The following PTDSS2 variants were observed in gnomAD, a reference collection of about 807,000 sequenced individuals.
PTDSS2 encodes PSS-2.
In PTDSS2, 41 loss-of-function variants were observed where a neutral mutation model predicts 64.7. That is an observed-to-expected ratio of 0.63 (90% CI 0.49 to 0.82). The LOEUF is 0.82. Ranked by LOEUF, PTDSS2 falls within the 40% of genes least tolerant of loss-of-function variation. PTDSS2 has a pLI of 0.00. For synonymous variants in PTDSS2, 297 were observed against 277.8 expected, an observed-to-expected ratio of 1.07 and a Z score of -0.69; for missense variants, 485 against 650.0, an observed-to-expected ratio of 0.75 and a Z score of 2.76.
intron 2 of PTDSS2, among the ~76,000 whole-genome samples, chr11:464,692 G>T (rs1302165987): frequency 6.6e-6 from 1 of 152,234 alleles, no homozygotes; most frequent in Non-Finnish European, 1.5e-5. Flanking sequence ...ACCGTTCACT[G>T]ATCTGCCTGT....
chr11:478,217 G>T (rs568323363), intron 3 of PTDSS2, among the ~76,000 whole-genome samples: 90 of 150,416 alleles, frequency 6.0e-4, no homozygotes, highest in Non-Finnish European at 1.2e-3. Flanking sequence ...TAACATACTG[G>T]AATTGAAAGA....
chr11:467,687 C>T (rs1051909721), intron 2 of PTDSS2, among the ~76,000 whole-genome samples: 7 of 152,092 alleles, frequency 4.6e-5, no homozygotes, highest in Admixed American at 1.3e-4. Flanking sequence ...GAGCCGAGAT[C>T]GCAACATTGC....
At position 485,787 on chromosome 11, in the gene PTDSS2, TGCGC is replaced by T. The variant is rs1439889760; in HGVS notation, c.436-1149_436-1146del. 7.0e-3 allele frequency among the ~76,000 whole-genome samples: 836 copies of T among 119,708 alleles called. 58 individuals are homozygous for T. The highest frequency in any genetic ancestry group is 0.036 in the Admixed American group (453 of 12,670). 78.5% of individuals were successfully genotyped at this position (119,708 alleles called of 152,430 possible). On this transcript the variant is annotated intron_variant, in intron 4 of 11. Transcript: ENST00000308020. ...TGCACGGGCGCGCGTGTGCTCACCG[TGCGC>T]GCAGGCGAGCGTAAACAGTGCACGG...
chr11:489,534 C>T lies in PTDSS2; in HGVS notation c.969+20C>T, dbSNP rs377735018. 46 of 1,610,592 alleles carry T rather than the reference C, an allele frequency of 2.9e-5. 1 individual carries two copies. In the South Asian group the frequency reaches 3.7e-4, roughly 13 times the overall value. On this transcript the variant is annotated intron_variant, in intron 9 of 11. Coordinates refer to ENST00000308020, the MANE Select transcript of PTDSS2 (RefSeq NM_030783.3). Reference sequence around the variant, plus strand: ...CTGGTGGTAAGGCCGGGCTGCCTCGCGACGGCGCGGCGGGCGGGGGGCCAG... The same window carrying T: ...CTGGTGGTAAGGCCGGGCTGCCTCGTGACGGCGCGGCGGGCGGGGGGCCAG...
At chr11:485,687 G>A (rs1281059240) in intron 4 of PTDSS2, among the ~76,000 whole-genome samples, 3 of 148,848 alleles carry the variant, frequency 2.0e-5, no homozygotes, top group African/African-American at 7.4e-5. Flanking sequence ...GCGCACGGGC[G>A]CGTGTGTGCT....
rs1291113262 is a variant in PTDSS2 at position 476,665 on chromosome 11, C to T, written c.368-2420C>T. Among the ~76,000 whole-genome samples the T allele has an allele frequency of 3.9e-5, 6 of 152,142 alleles. No homozygotes were observed. The highest frequency in any genetic ancestry group is 8.8e-5 in the Non-Finnish European group (6 of 68,028). ...CAGTCAGGAGCTCTGGCGCAGGTCA[C>T]CTGGCGGGATGTGGAGCATCTGGGC... On this transcript the variant is annotated intron_variant, in intron 3 of 11. Transcript: ENST00000308020. The surrounding 1 kb of genome is among the most constrained non-coding windows in gnomAD (Gnocchi z 4.9).
At chr11:472,906 G>A (rs1044535882) in intron 2 of PTDSS2, among the ~76,000 whole-genome samples, 25 of 152,312 alleles carry the variant, frequency 1.6e-4, no homozygotes, top group Middle Eastern at 3.4e-3. Context: ...TGTGACTGTC[G>A]GCACGGCACT....
chr11:457,330 C>G (rs1846644344), intron 1 of PTDSS2, among the ~76,000 whole-genome samples: 1 of 152,258 alleles, frequency 6.6e-6, no homozygotes, highest in South Asian at 2.1e-4. Flanking sequence ...CCGCTCCAGT[C>G]TGCTTTTCGT....
At chr11:448,715 T>A (rs1210637462), upstream of PTDSS2, among the ~76,000 whole-genome samples, 1 of 152,236 alleles carries the variant, frequency 6.6e-6, no homozygotes, top group African/African-American at 2.4e-5. Flanking sequence ...TGGGCGTGGC[T>A]GTGCAGGAGC....
At position 476,303 on chromosome 11, in the gene PTDSS2, C is replaced by T. The variant is rs894979373; in HGVS notation, c.367+2326C>T. ...GGTGCAGTGATGGTGAGAAACTGCC[C>T]GTCACACAGTGAAAAGCCTGGCGCC... is the stretch of plus-strand genomic sequence containing the variant. On this transcript the variant is annotated intron_variant, in intron 3 of 11. Coordinates refer to ENST00000308020, the MANE Select transcript of PTDSS2 (RefSeq NM_030783.3). The surrounding 1 kb of genome is among the most constrained non-coding windows in gnomAD (Gnocchi z 4.9). 6.6e-5 allele frequency among the ~76,000 whole-genome samples: 10 copies of T among 152,046 alleles called. No individual in the cohort carries two copies. The highest frequency in any genetic ancestry group is 5.8e-4 in the East Asian group (3 of 5,192).
At position 479,295 on chromosome 11, in the gene PTDSS2, CG is replaced by C. The variant is rs1338166728; in HGVS notation, c.435+149del. On this transcript the variant is annotated intron_variant, in intron 4 of 11. Coordinates refer to ENST00000308020, the MANE Select transcript of PTDSS2 (RefSeq NM_030783.3). The surrounding 1 kb of genome is among the most constrained non-coding windows in gnomAD (Gnocchi z 4.2). ...GACCCCCACAAAGTAGGCCGAGCTGCGGGGGGTCTCCAGGAGCATCTGTGCG... is the reference window on the plus strand; with the variant it reads ...GACCCCCACAAAGTAGGCCGAGCTGCGGGGGTCTCCAGGAGCATCTGTGCG... 15 of 769,604 alleles carry C rather than the reference CG, an allele frequency of 1.9e-5. No individual in the cohort carries two copies. In the East Asian group the frequency reaches 2.7e-4, roughly 14 times the overall value. The allele number at this position is 769,604 out of a possible 1,614,324, so 47.7% of individuals were successfully genotyped here.
Position 476,217 on chromosome 11 carries a change from C to T in PTDSS2, c.367+2240C>T, listed in dbSNP as rs1449029955. ...AGGGCCCAGGGCCCTGTCTGCCCAG[C>T]CGGCTGAGCACAGACGGTCTTGCCT... On this transcript the variant is annotated intron_variant, in intron 3 of 11. Transcript: ENST00000308020. This position sits in a 1 kb window ranked among gnomAD's most constrained non-coding sequence, Gnocchi z 4.9. 6.6e-6 allele frequency among the ~76,000 whole-genome samples: 1 copy of T among 152,224 alleles called. No homozygotes were observed. The highest frequency in any genetic ancestry group is 1.9e-4 in the East Asian group (1 of 5,202).
chr11:473,443 G>T (rs1027136531), intron 2 of PTDSS2, among the ~76,000 whole-genome samples: 1 of 152,194 alleles, frequency 6.6e-6, no homozygotes, highest in Non-Finnish European at 1.5e-5. Context: ...GGTCACATGC[G>T]GGGCATTCGG....
rs946798022 is a variant in PTDSS2, at chr11:488,047, G to A, written c.622-152G>A. ...CCTGCGTCCCATACTCTGGCTGCCA[G>A]CCGGGTGGGGGCTGCACGCACCCGT... is the stretch of plus-strand genomic sequence containing the variant. On this transcript the variant is annotated intron_variant, in intron 6 of 11. Coordinates refer to ENST00000308020, the MANE Select transcript of PTDSS2 (RefSeq NM_030783.3). The A allele has an allele frequency of 1.2e-5, 5 of 430,906 alleles. No homozygotes were observed. In the Admixed American group the frequency reaches 1.8e-4, roughly 16 times the overall value. 26.7% of individuals were successfully genotyped at this position (430,906 alleles called of 1,614,324 possible).
chr11:474,067 T>C (rs1356541225), intron 3 of PTDSS2, 90 bp downstream of exon 3: 4 of 1,073,674 alleles, frequency 3.7e-6, no homozygotes, highest in Non-Finnish European at 5.8e-6. Flanking sequence ...GTGAGTGTCC[T>C]GTCCTCCCCT....
chr11:489,328 T>C, intron 8 of PTDSS2, 72 bp from the exon 9 acceptor site: 1 of 1,317,686 alleles, frequency 7.6e-7, no homozygotes, highest in East Asian at 2.4e-5. Flanking sequence ...CCAGGAACAG[T>C]CTGTTGCCCG....
At chr11:465,380 T>TA (rs1847095843) in intron 2 of PTDSS2, among the ~76,000 whole-genome samples, 1 of 152,170 alleles carries the variant, frequency 6.6e-6, no homozygotes, top group African/African-American at 2.4e-5. Context: ...TTTGTAGAGA[T>TA]AAAGTCTCAC....
At chr11:485,546 A>C (rs1458587837) in intron 4 of PTDSS2, among the ~76,000 whole-genome samples, 2 of 108,130 alleles carry the variant, frequency 1.8e-5, no homozygotes, top group Non-Finnish European at 3.7e-5. Context: ...GAGTGTAAAC[A>C]GTGCACGGGC....
In PTDSS2 at chr11:460,334, G is replaced by C. The variant is rs1025873307; in HGVS notation, c.284+46G>C. 1.3e-6 allele frequency: 2 copies of C among 1,491,484 alleles called. No individual in the cohort carries two copies. The highest frequency in any genetic ancestry group is 1.9e-6 in the Non-Finnish European group (2 of 1,072,120). 92.4% of individuals were successfully genotyped at this position (1,491,484 alleles called of 1,614,324 possible). Reference sequence around the variant, plus strand: ...GCCTTCTGAAACTGCCCTGTGCCCCGTGTGGTGGGTGTGGCACCCTTACTG... The same window carrying C: ...GCCTTCTGAAACTGCCCTGTGCCCCCTGTGGTGGGTGTGGCACCCTTACTG... On this transcript the variant is annotated intron_variant, in intron 2 of 11. Coordinates refer to ENST00000308020, the MANE Select transcript of PTDSS2 (RefSeq NM_030783.3). This position sits in a 1 kb window ranked among gnomAD's most constrained non-coding sequence, Gnocchi z 5.8.
Sources: gnomAD v4.1 joint callset for allele counts (sites outside exome capture counted in the v4.1 genomes callset) on GRCh38, gnomAD v4.1.1 for gene constraint, Gnocchi (gnomAD v3.1) non-coding constraint, MANE v1.5 for transcripts, NCBI Gene and HGNC (gene_info 2026-07-23, HGNC 2026-07-21) for gene names.